The following ATL2 variants were observed in gnomAD, a reference collection of about 807,000 sequenced individuals.
The protein encoded by ATL2 is atlastin-2.
A neutral mutation model predicts 73.9 loss-of-function variants in ATL2; 31 were observed. The observed-to-expected ratio is 0.42, with a 90% CI of 0.32 to 0.57. The LOEUF (loss-of-function observed/expected upper bound fraction) is 0.57. Among genes scored for constraint, ATL2 ranks in the 20% least tolerant of loss-of-function variants. The pLI is 0.14. For synonymous variants in ATL2, 291 were observed against 237.5 expected, an observed-to-expected ratio of 1.23 and a Z score of -2.07; for missense variants, 738 against 702.6, an observed-to-expected ratio of 1.05 and a Z score of -0.57.
intron 2 of ATL2, among the ~76,000 whole-genome samples, chr2:38,325,578 T>C (rs532106860): frequency 2.0e-5 from 3 of 151,232 alleles, no homozygotes; most frequent in Admixed American, 1.3e-4. Context: ...GTAACACTTT[T>C]TAAGTTCACC....
intron 2 of ATL2, among the ~76,000 whole-genome samples, chr2:38,324,218 C>T (rs1293153949): frequency 1.3e-5 from 2 of 152,120 alleles, no homozygotes; most frequent in South Asian, 2.1e-4. Flanking sequence ...GCGGAGGATG[C>T]GATGAGCCAA....
rs1292448631 is a variant in ATL2, at chr2:38,298,361, G to A, written c.1415C>T (p.Ala472Val). Residue 472 changes from alanine to valine, a missense_variant, in exon 12 of 13, where the codon GCT (alanine) becomes GTT (valine). Ala to Val is a moderately conservative substitution (Grantham distance 64). Coordinates refer to ENST00000378954, the MANE Select transcript of ATL2 (RefSeq NM_001135673.4). Reference protein sequence around the residue: ...HNDGKNIFYAARTPATLFAVM... With the variant: ...HNDGKNIFYAVRTPATLFAVM... ...CGCAAACAGTGTGGCTGGGGTACGAGCAGCATAGAAGATATTTTTGCCATC... is the reference window on the plus strand; with the variant it reads ...CGCAAACAGTGTGGCTGGGGTACGAACAGCATAGAAGATATTTTTGCCATC... 4.3e-6 allele frequency: 7 copies of A among 1,614,072 alleles called. No homozygotes were observed. Among genetic ancestry groups the A allele is most frequent in the Non-Finnish European group, 5.9e-6 (7 of 1,180,026 alleles).
chr2:38,352,133 C>CAAAAAAAAAAAAAAAAAAAAAAAAAAA (rs778821586), intron 1 of ATL2, among the ~76,000 whole-genome samples: 1 of 31,964 alleles, frequency 3.1e-5, no homozygotes, highest in African/African-American at 7.5e-5. Context: ...AAACAACAAC[C>CAAAAAAAAAAAAAAAAAAAAAAAAAAA]AAAAAAAAAA....
At chr2:38,321,305 A>G (rs1177402262) in intron 2 of ATL2, among the ~76,000 whole-genome samples, 1 of 152,182 alleles carries the variant, frequency 6.6e-6, no homozygotes, top group Non-Finnish European at 1.5e-5. Flanking sequence ...AATCCTATCA[A>G]TTACAAACTT....
intron 3 of ATL2, 87 bp from the exon 4 acceptor site, chr2:38,318,726 T>C (rs942860508): frequency 7.4e-7 from 1 of 1,344,186 alleles, no homozygotes; most frequent in Non-Finnish European, 1.0e-6. Flanking sequence ...TGAAAAGCAG[T>C]AATTAAATCA....
chr2:38,343,032 T>C (rs1134744), intron 2 of ATL2, among the ~76,000 whole-genome samples: 1 of 150,416 alleles, frequency 6.6e-6, no homozygotes, highest in Non-Finnish European at 1.5e-5. Flanking sequence ...CCTGTAGTCC[T>C]AGCTTCTCGG....
At chr2:38,319,445 A>G (rs533935074) in intron 2 of ATL2, among the ~76,000 whole-genome samples, 1 of 152,132 alleles carries the variant, frequency 6.6e-6, no homozygotes, top group East Asian at 1.9e-4. Context: ...CAAAAAGTAC[A>G]AAAATTAGCC....
intron 2 of ATL2, among the ~76,000 whole-genome samples, chr2:38,340,137 G>C (rs1246347120): frequency 7.5e-6 from 1 of 133,834 alleles, no homozygotes; most frequent in Non-Finnish European, 1.6e-5. Flanking sequence ...AAATGAACCT[G>C]TGGTGAAAAG....
At chr2:38,347,324 A>C (rs1180056895) in intron 1 of ATL2, among the ~76,000 whole-genome samples, 6 of 152,112 alleles carry the variant, frequency 3.9e-5, no homozygotes, top group Non-Finnish European at 8.8e-5. Context: ...CTGTTCCCTG[A>C]TGAAGCTAAC....
At chr2:38,354,327 A>G (rs1670537548) in intron 1 of ATL2, 1 of 243,044 alleles carries the variant, frequency 4.1e-6, no homozygotes, top group Non-Finnish European at 8.3e-6. Flanking sequence ...TAGTAAACAG[A>G]TACAAATATA....
At chr2:38,317,769 T>C (rs1016910801) in intron 4 of ATL2, among the ~76,000 whole-genome samples, 1 of 151,532 alleles carries the variant, frequency 6.6e-6, no homozygotes, top group South Asian at 2.1e-4. Context: ...CTATCTGATT[T>C]CAATTACAGA....
At chr2:38,323,017 A>G (rs1050415128) in intron 2 of ATL2, among the ~76,000 whole-genome samples, 2 of 152,238 alleles carry the variant, frequency 1.3e-5, no homozygotes, top group African/African-American at 4.8e-5. Flanking sequence ...CATTCATTAA[A>G]TATTTGTGGA....
Position 38,298,197 on chromosome 2 carries a change from A to G in ATL2, c.1579T>C (p.Phe527Leu). 2 of 1,613,800 alleles carry G rather than the reference A, an allele frequency of 1.2e-6. No homozygotes were observed. Among genetic ancestry groups the G allele is most frequent in the Non-Finnish European group, 1.7e-6 (2 of 1,179,892 alleles). ...TWAYVKYSGE[F>L]REIGTVIDQI... The stretch of plus-strand genomic sequence containing the variant: ...TCAATCACTGTTCCAATTTCTCTGA[A>G]CTCCCCAGAGTATTTAACATATGCC... The change falls in exon 12 of 13, where the codon TTC becomes CTC. Residue 527 changes from phenylalanine (F) to leucine (L), a missense_variant. Coordinates refer to ENST00000378954, the MANE Select transcript of ATL2 (RefSeq NM_001135673.4).
intron 1 of ATL2, among the ~76,000 whole-genome samples, chr2:38,369,385 G>A (rs895817639): frequency 1.4e-4 from 22 of 152,182 alleles, no homozygotes; most frequent in African/African-American, 5.1e-4. Context: ...AGAAGGTAGA[G>A]TGAGCCGAGA....
At chr2:38,358,220 A>G (rs1350079909) in intron 1 of ATL2, among the ~76,000 whole-genome samples, 1 of 152,216 alleles carries the variant, frequency 6.6e-6, no homozygotes, top group Non-Finnish European at 1.5e-5. Flanking sequence ...CAATATTAAA[A>G]TAAAATTTTC....
intron 2 of ATL2, among the ~76,000 whole-genome samples, chr2:38,323,781 T>C (rs1333406757): frequency 6.6e-6 from 1 of 152,132 alleles, no homozygotes; most frequent in Non-Finnish European, 1.5e-5. Flanking sequence ...GGCACGATCA[T>C]AGCTCACTGT....
At chr2:38,312,534 C>A (rs1190889507) in intron 7 of ATL2, among the ~76,000 whole-genome samples, 3 of 151,990 alleles carry the variant, frequency 2.0e-5, no homozygotes, top group Non-Finnish European at 1.5e-5. Context: ...CATGGTGAAA[C>A]CCCGTCTCTG....
chr2:38,365,680 G>C (rs1283869920), intron 1 of ATL2, among the ~76,000 whole-genome samples: 9 of 121,954 alleles, frequency 7.4e-5, no homozygotes, highest in African/African-American at 5.8e-4. Context: ...AGTCCCTTGG[G>C]AGTAGCTACT....
chr2:38,299,145 A>G, intron 11 of ATL2, 111 bp downstream of exon 11: 2 of 997,868 alleles, frequency 2.0e-6, no homozygotes, highest in Non-Finnish European at 2.7e-6. Flanking sequence ...GGAATAATGT[A>G]CCATAAGCTG....
Sources: gnomAD v4.1 joint callset for allele counts (sites outside exome capture counted in the v4.1 genomes callset) on GRCh38, gnomAD v4.1.1 for gene constraint, MANE v1.5 for transcripts, NCBI Gene and HGNC (gene_info 2026-07-23, HGNC 2026-07-21) for gene names.